Variants in PHEX observed in about 807,000 individuals in gnomAD.
PHEX encodes phosphate-regulating neutral endopeptidase PHEX.
In PHEX, 16 loss-of-function variants were observed where a neutral mutation model predicts 68.0. The observed-to-expected ratio is 0.24, with a 90% confidence interval of 0.16 to 0.36. PHEX has a LOEUF of 0.36. Among genes scored for constraint, PHEX ranks in the 10% least tolerant of loss-of-function variants. The pLI, the probability that PHEX is intolerant of heterozygous loss-of-function variation, is 1.00. For synonymous variants in PHEX, 208 were observed against 205.1 expected (o/e 1.01, Z -0.12); for missense variants, 480 against 575.5 (o/e 0.83, Z 1.70).
At chrX:22,192,337 T>C (rs1338118281) in intron 15 of PHEX, among the ~76,000 whole-genome samples, 1 of 111,853 alleles carries the variant, frequency 8.9e-6, no homozygotes, top group African/African-American at 3.2e-5. Context: ...AATAGCCTCC[T>C]CATTGGCCTC....
intron 3 of PHEX, among the ~76,000 whole-genome samples, chrX:22,066,088 G>T (rs1179372920): frequency 8.9e-6 from 1 of 112,189 alleles, no homozygotes; most frequent in African/African-American, 3.2e-5. Flanking sequence ...GAGGAGAAAG[G>T]CGGGGGCCAG....
In PHEX at chrX:22,206,108, C is replaced by T. The variant is rs191471944; in HGVS notation, c.1646-6796C>T. Reference sequence around the variant, plus strand: ...TGCTGATCTCAAAACTACACTAGTTCGGCAATGATAGCAAGAGAATGGAAC... The same window carrying T: ...TGCTGATCTCAAAACTACACTAGTTTGGCAATGATAGCAAGAGAATGGAAC... On this transcript the variant is annotated intron_variant, in intron 15 of 21. Coordinates refer to ENST00000379374, the MANE Select transcript of PHEX (RefSeq NM_000444.6). 2.7e-3 allele frequency among the ~76,000 whole-genome samples: 302 copies of T among 111,935 alleles called. 1 individual carries two copies. Among genetic ancestry groups the T allele is most frequent in the Non-Finnish European group, 4.7e-3 (251 of 53,149 alleles).
intron 12 of PHEX, chrX:22,163,278 T>G (rs916833468): frequency 1.8e-5 from 2 of 112,085 alleles, no homozygotes; most frequent in Non-Finnish European, 3.8e-5. Context: ...TGTAGCTGAC[T>G]CCAGTTGGAA....
intron 20 of PHEX, among the ~76,000 whole-genome samples, chrX:22,239,442 C>T (rs996105248): frequency 9.0e-6 from 1 of 110,819 alleles, no homozygotes; most frequent in Non-Finnish European, 1.9e-5. Flanking sequence ...CAGACTCCTC[C>T]GAGGTAAAGG....
chrX:22,040,610 G>T (rs1927230101), intron 2 of PHEX, among the ~76,000 whole-genome samples: 1 of 112,045 alleles, frequency 8.9e-6, no homozygotes, highest in Non-Finnish European at 1.9e-5. Context: ...TGAATGATGA[G>T]GAGGGAACTG....
chrX:22,116,853 C>T (rs1442988117), intron 11 of PHEX, among the ~76,000 whole-genome samples: 2 of 110,520 alleles, frequency 1.8e-5, no homozygotes. Context: ...GATCTTGAAG[C>T]ATGACAAGAT....
chrX:22,153,303 C>T (rs894840281), intron 12 of PHEX, among the ~76,000 whole-genome samples: 2 of 112,178 alleles, frequency 1.8e-5, no homozygotes, highest in Non-Finnish European at 1.9e-5. Context: ...TAATCTTAAT[C>T]ACCATGTGAC....
At chrX:22,060,500 G>A (rs1487771314) in intron 3 of PHEX, among the ~76,000 whole-genome samples, 1 of 111,759 alleles carries the variant, frequency 8.9e-6, no homozygotes, top group Non-Finnish European at 1.9e-5. Context: ...AAATCCATTG[G>A]TGAGATTTTT....
Position 22,249,451 on chromosome X carries a change from A to T in PHEX, c.*1498A>T, listed in dbSNP as rs867380877. On this transcript the variant is annotated 3_prime_UTR_variant, in exon 22 of 22. Transcript: ENST00000379374. ...TGATTTGTGATTCTTTTAAAAAAAAAAAAAATATATATATATATATATATA... is the reference window on the plus strand; with the variant it reads ...TGATTTGTGATTCTTTTAAAAAAAATAAAAATATATATATATATATATATA... 6 of 28,490 alleles carry T rather than the reference A, an allele frequency of 2.1e-4. No homozygotes were observed. The highest frequency in any genetic ancestry group is 8.3e-4 in the African/African-American group (4 of 4,809). 2.3% of individuals were successfully genotyped at this position (28,490 alleles called of 1,213,427 possible).
intron 20 of PHEX, among the ~76,000 whole-genome samples, chrX:22,238,341 T>C (rs1243854683): frequency 9.0e-6 from 1 of 111,526 alleles, no homozygotes; most frequent in African/African-American, 3.3e-5. Context: ...GGTTGGGGGA[T>C]TTCCTGTTCC....
At chrX:22,180,177 T>G (rs191240468) in intron 14 of PHEX, among the ~76,000 whole-genome samples, 1 of 111,365 alleles carries the variant, frequency 9.0e-6, no homozygotes, top group East Asian at 2.8e-4. Context: ...GCTCAATCAG[T>G]GATTAGGTCA....
intron 20 of PHEX, among the ~76,000 whole-genome samples, chrX:22,230,090 C>G (rs1433531176): frequency 9.1e-6 from 1 of 110,247 alleles, no homozygotes; most frequent in African/African-American, 3.3e-5. Flanking sequence ...CTGTTCTGTT[C>G]CATTGGTCTA....
chrX:22,246,622 T>G (rs1453060370), intron 21 of PHEX, among the ~76,000 whole-genome samples: 1 of 112,259 alleles, frequency 8.9e-6, no homozygotes, highest in East Asian at 2.8e-4. Flanking sequence ...TTTCAGAAAC[T>G]TATTTCCTTT....
At chrX:22,112,764 A>G (rs1190829611) in intron 10 of PHEX, among the ~76,000 whole-genome samples, 1 of 110,203 alleles carries the variant, frequency 9.1e-6, no homozygotes, top group Non-Finnish European at 1.9e-5. Context: ...TTAGCCGGGC[A>G]TGGTGTCACG....
intron 20 of PHEX, among the ~76,000 whole-genome samples, chrX:22,229,635 T>C (rs947600429): frequency 8.0e-5 from 9 of 112,498 alleles, no homozygotes; most frequent in African/African-American, 2.6e-4. Context: ...AGATTCTCGA[T>C]ACTAGCCCTT....
In PHEX at chrX:22,038,536, G is replaced by C; in HGVS notation, c.186G>C (p.Ala62=). Residue 62 remains alanine, a splice_region_variant and synonymous_variant, in exon 2 of 22, where the codon GCG becomes GCC. Coordinates refer to ENST00000379374, the MANE Select transcript of PHEX (RefSeq NM_000444.6). ...EYCLKPECIE[A]AAAILSKVNL... Reference sequence around the variant, plus strand: ...GCCTGAAGCCAGAATGCATCGAAGCGGGTAAGTCACAGTTTTCCATCCTGT... The same window carrying C: ...GCCTGAAGCCAGAATGCATCGAAGCCGGTAAGTCACAGTTTTCCATCCTGT... 4 of 1,164,531 alleles carry C rather than the reference G, an allele frequency of 3.4e-6. No homozygotes were observed. The highest frequency in any genetic ancestry group is 4.7e-6 in the Non-Finnish European group (4 of 852,622).
chrX:22,199,371 C>T (rs1466978063), intron 15 of PHEX, among the ~76,000 whole-genome samples: 2 of 111,860 alleles, frequency 1.8e-5, no homozygotes, highest in African/African-American at 6.5e-5. Flanking sequence ...ACAGATAGCA[C>T]AGTGATCCTC....
intron 1 of PHEX, 64 bp downstream of exon 1, chrX:22,033,187 T>G (rs1004644879): frequency 1.7e-5 from 14 of 822,812 alleles, no homozygotes; most frequent in South Asian, 8.1e-5. Flanking sequence ...TGTGCTTTAT[T>G]GTAGCAAAAC....
At chrX:22,045,029 T>TG (rs1556013795) in intron 2 of PHEX, among the ~76,000 whole-genome samples, 23 of 106,902 alleles carry the variant, frequency 2.2e-4, no homozygotes, top group African/African-American at 7.0e-4. Context: ...TGTTTTTTTT[T>TG]TGTGTGTGTG....
Sources: allele counts gnomAD v4.1 joint callset (sites outside exome capture counted in the v4.1 genomes callset), GRCh38; gene constraint gnomAD v4.1.1; transcripts MANE v1.5; gene names NCBI Gene and HGNC (gene_info 2026-07-23, HGNC 2026-07-21).